CCDC150: variants seen among roughly 807,000 people sequenced by gnomAD.
CCDC150 encodes coiled-coil domain-containing protein 150.
In CCDC150, 151 loss-of-function variants were observed where a neutral mutation model predicts 156.5. The observed-to-expected ratio is 0.97, with a 90% confidence interval of 0.85 to 1.10. The LOEUF (loss-of-function observed/expected upper bound fraction) is 1.10. CCDC150 is among the 50% of genes least tolerant of loss of function. The pLI is 0.00. For missense variants in CCDC150, 1,312 were observed against 1,268.1 expected, an observed-to-expected ratio of 1.03 and a Z score of -0.53; for synonymous variants, 452 against 429.4, an observed-to-expected ratio of 1.05 and a Z score of -0.65.
At chr2:196,703,390 A>G (rs1430344599) in intron 15 of CCDC150, among the ~76,000 whole-genome samples, 1 of 152,090 alleles carries the variant, frequency 6.6e-6, no homozygotes, top group Non-Finnish European at 1.5e-5. Flanking sequence ...ATTAATATTA[A>G]TATTTTGCAG....
chr2:196,688,699 G>C (rs370510131), intron 13 of CCDC150, among the ~76,000 whole-genome samples: 1 of 151,998 alleles, frequency 6.6e-6, no homozygotes, highest in East Asian at 1.9e-4. Flanking sequence ...TAGGTTGCCT[G>C]TTCACTCTGA....
intron 7 of CCDC150, chr2:196,668,084 G>A (rs1364404016): frequency 6.6e-6 from 1 of 152,342 alleles, no homozygotes; most frequent in Admixed American, 6.6e-5. Context: ...GGATCATGAG[G>A]TCAGGAGATT....
intron 15 of CCDC150, 48 bp from the exon 16 acceptor site, chr2:196,712,097 A>T: frequency 1.2e-6 from 1 of 833,562 alleles, no homozygotes; most frequent in Non-Finnish European, 1.9e-6. Context: ...TATATGTTTA[A>T]ATGTTTTATT....
At chr2:196,640,499 A>C (rs1304373465) in intron 1 of CCDC150, among the ~76,000 whole-genome samples, 1 of 151,772 alleles carries the variant, frequency 6.6e-6, no homozygotes, top group Non-Finnish European at 1.5e-5. Context: ...TCCACACCTC[A>C]CCCCCAAACT....
intron 13 of CCDC150, among the ~76,000 whole-genome samples, chr2:196,690,885 AC>A (rs1695419693): frequency 6.6e-6 from 1 of 152,110 alleles, no homozygotes; most frequent in Non-Finnish European, 1.5e-5. Flanking sequence ...TTCCTTCAAT[AC>A]CTAGTTTATT....
chr2:196,674,154 A>T, intron 9 of CCDC150, 87 bp from the exon 10 acceptor site: 1 of 783,750 alleles, frequency 1.3e-6, no homozygotes, highest in Admixed American at 2.4e-5. Context: ...ACAGTGAGAT[A>T]CTATGCAATC....
intron 13 of CCDC150, among the ~76,000 whole-genome samples, chr2:196,685,981 T>G (rs1175596600): frequency 6.6e-6 from 1 of 152,178 alleles, no homozygotes; most frequent in Non-Finnish European, 1.5e-5. Flanking sequence ...AACTTTCTGA[T>G]GAGAAATCAG....
At chr2:196,689,541 CTGTT>C (rs1189231959) in intron 13 of CCDC150, among the ~76,000 whole-genome samples, 4 of 152,134 alleles carry the variant, frequency 2.6e-5, no homozygotes, top group Admixed American at 6.5e-5. Context: ...ATTTGGCTCT[CTGTT>C]TGTCTGTTAT....
chr2:196,718,628 G>C lies in CCDC150; in HGVS notation c.1992G>C (p.Lys664Asn). 6.2e-7 allele frequency: 1 copy of C among 1,613,212 alleles called. No individual in the cohort carries two copies. Among genetic ancestry groups the C allele is most frequent in the South Asian group, 1.1e-5 (1 of 90,922 alleles). ...AGGCTGTGGAGGACAGGGAAAACAA[G>C]AAGGCAAGGAATCAGTCCCTTCTGA... Reference protein sequence around the residue: ...DLEAVEDRENKKVGNFQRQLA... With the variant: ...DLEAVEDRENNKVGNFQRQLA... Residue 664 changes from lysine (K) to asparagine (N), a missense_variant, in exon 18 of 28, where the codon AAG becomes AAC. Physicochemically the swap from Lys to Asn is moderately conservative, Grantham distance 94 (BLOSUM62 0). Coordinates refer to ENST00000389175, the MANE Select transcript of CCDC150 (RefSeq NM_001080539.2).
At chr2:196,658,641 C>A in intron 4 of CCDC150, 151 bp from the exon 5 acceptor site, 1 of 550,044 alleles carries the variant, frequency 1.8e-6, no homozygotes. Flanking sequence ...GTAATAATTA[C>A]TTCAGACTTA....
chr2:196,717,880 A>C (rs1697631294), intron 17 of CCDC150, among the ~76,000 whole-genome samples: 1 of 92,370 alleles, frequency 1.1e-5, no homozygotes, highest in South Asian at 3.9e-4. Context: ...GACAGAGCGA[A>C]ATTCAGTCTC....
intron 4 of CCDC150, chr2:196,657,412 C>A: frequency 3.6e-6 from 1 of 278,482 alleles, no homozygotes; most frequent in South Asian, 6.7e-5. Context: ...CTGTGCTCTT[C>A]AGGAACTCAT....
At chr2:196,726,165 A>C in intron 22 of CCDC150, 66 bp downstream of exon 22, 2 of 1,570,096 alleles carry the variant, frequency 1.3e-6, no homozygotes, top group Non-Finnish European at 1.7e-6. Context: ...CAAGGATTTC[A>C]GAGAATGGCT....
intron 13 of CCDC150, among the ~76,000 whole-genome samples, chr2:196,681,122 T>C (rs1694791833): frequency 6.6e-6 from 1 of 152,140 alleles, no homozygotes; most frequent in Non-Finnish European, 1.5e-5. Context: ...ATTCCCTCCT[T>C]CTCCCAGCCC....
At chr2:196,700,570 T>C (rs751546105) in intron 14 of CCDC150, among the ~76,000 whole-genome samples, 1 of 152,214 alleles carries the variant, frequency 6.6e-6, no homozygotes, top group Admixed American at 6.5e-5. Context: ...TTTCGTGAAA[T>C]ATGAAAGCTT....
chr2:196,665,810 A>G (rs1420297029), intron 6 of CCDC150, 127 bp downstream of exon 6: 1 of 541,532 alleles, frequency 1.8e-6, no homozygotes, highest in Non-Finnish European at 3.2e-6. Flanking sequence ...TTTTGTTAGC[A>G]ATATGTTAAC....
chr2:196,661,409 C>G lies in CCDC150; in HGVS notation c.645+2549C>G, dbSNP rs143033830. Among the ~76,000 whole-genome samples, 831 of 152,230 alleles carry G rather than the reference C, an allele frequency of 5.5e-3. 8 individuals carry two copies. The highest frequency in any genetic ancestry group is 8.4e-3 in the Non-Finnish European group (570 of 68,004). On this transcript the variant is annotated intron_variant, in intron 5 of 27. Transcript: ENST00000389175. ...CCTTCTAACTGGGTCCTCACATGCT[C>G]TTTTATTTGTGTGTACCCATCCCTG...
intron 15 of CCDC150, among the ~76,000 whole-genome samples, chr2:196,709,151 A>G (rs977977029): frequency 1.3e-5 from 2 of 152,190 alleles, no homozygotes; most frequent in African/African-American, 2.4e-5. Flanking sequence ...AATCAAACGT[A>G]GATTTGGTCA....
Position 196,656,855 on chromosome 2 carries a change from T to C in CCDC150, c.397+2T>C. The C allele has an allele frequency of 6.2e-7, 1 of 1,613,372 alleles. No homozygotes were observed. Among genetic ancestry groups the C allele is most frequent in the Non-Finnish European group, 8.5e-7 (1 of 1,179,488 alleles). ...AGGATTTGAATCCTCAGAAAACAGG[T>C]ATAGAGATAAGAATCATCAGAAATG... On this transcript the variant is annotated splice_donor_variant, in intron 3 of 27. Transcript: ENST00000389175. LOFTEE classifies it high-confidence loss of function.
Sources: gnomAD v4.1 joint callset for allele counts (sites outside exome capture counted in the v4.1 genomes callset) on GRCh38, gnomAD v4.1.1 for gene constraint, MANE v1.5 for transcripts, NCBI Gene and HGNC (gene_info 2026-07-23, HGNC 2026-07-21) for gene names.